The following AHCY variants were observed in gnomAD, a reference collection of about 807,000 sequenced individuals.
The protein encoded by AHCY is adenosylhomocysteinase, also known as S-adenosyl-L-homocysteine hydrolase.
Under a neutral mutation model 45.4 loss-of-function variants are expected in AHCY, and 24 were observed. The observed-to-expected ratio is 0.53, with a 90% CI of 0.38 to 0.74. AHCY has a LOEUF of 0.74. Among genes scored for constraint, AHCY ranks in the 30% least tolerant of loss-of-function variants. AHCY has a pLI of 0.00. For missense variants in AHCY, 449 were observed against 594.1 expected, an observed-to-expected ratio of 0.76 and a Z score of 2.54; for synonymous variants, 245 against 235.1, an observed-to-expected ratio of 1.04 and a Z score of -0.39.
chr20:34,269,940 C>A, the AHCY span, among the ~76,000 whole-genome samples: 2 of 77,448 alleles, frequency 2.6e-5, no homozygotes, highest in Non-Finnish European at 2.1e-5. Context: ...GCGAGAAACT[C>A]TGTCTTAAAA....
the AHCY span, chr20:34,250,045 C>A: frequency 6.6e-6 from 1 of 152,328 alleles, no homozygotes; most frequent in African/African-American, 2.4e-5. Context: ...ATGCTGGGGT[C>A]CAGCTGATAC....
At chr20:34,275,741 G>C (rs186305311), downstream of AHCY, among the ~76,000 whole-genome samples, 976 of 150,272 alleles carry the variant, frequency 6.5e-3, 5 homozygotes, top group Non-Finnish European at 0.011. Context: ...TGCAGTGTGT[G>C]ATCTCAACTC....
intron 2 of AHCY, chr20:34,295,165 T>C (rs1369996088): frequency 3.1e-6 from 2 of 641,720 alleles, no homozygotes; most frequent in African/African-American, 3.6e-5. Context: ...GGAGGATGCC[T>C]TGAGGGTAGC....
At chr20:34,291,683 G>T in intron 4 of AHCY, 152 bp from the exon 5 acceptor site, 3 of 742,892 alleles carry the variant, frequency 4.0e-6, no homozygotes, top group Non-Finnish European at 7.0e-6. Flanking sequence ...CCCGCGTGAG[G>T]GAGGAGTCCC....
chr20:34,286,748 C>T lies in AHCY; in HGVS notation c.973-1114G>A, dbSNP rs149906760. On this transcript the variant is annotated intron_variant, in intron 8 of 9. Transcript: ENST00000217426. ...CTCAGGAAGGCTGAGCCAGGCGAAT[C>T]GCTTGAACCTGGGAAGCGGAGGTTG... Among the ~76,000 whole-genome samples, 1,290 of 147,582 alleles carry T rather than the reference C, an allele frequency of 8.7e-3. 20 individuals are homozygous for T. The highest frequency in any genetic ancestry group is 0.031 in the African/African-American group (1,227 of 40,220).
chr20:34,297,902 G>A (rs891154320), intron 1 of AHCY, among the ~76,000 whole-genome samples: 1 of 152,168 alleles, frequency 6.6e-6, no homozygotes, highest in African/African-American at 2.4e-5. Flanking sequence ...ACTTTGGGAG[G>A]CCAAGGTGGG....
rs60011288 is a variant in AHCY at position 34,280,625 on chromosome 20, T to C, written c.*409A>G. On this transcript the variant is annotated 3_prime_UTR_variant, in exon 10 of 10. Transcript: ENST00000217426. ...CCCTTCAATATAGCCCCTTCTCATC[T>C]GTCATGGGCTGAAGAACCACTGGAC... The C allele has an allele frequency of 2.1e-5, 6 of 284,788 alleles. No individual in the cohort carries two copies. The highest frequency in any genetic ancestry group is 4.1e-5 in the Non-Finnish European group (6 of 145,408). The allele number at this position is 284,788 out of a possible 1,614,324, so 17.6% of individuals were successfully genotyped here. A position where few individuals can be genotyped will look rare whatever the true frequency, so the allele number is the denominator to read the frequency against.
chr20:34,289,774 G>A (rs1160806343), intron 8 of AHCY, among the ~76,000 whole-genome samples: 4 of 151,834 alleles, frequency 2.6e-5, no homozygotes, highest in African/African-American at 7.3e-5. Context: ...TACCGCACCC[G>A]GCCCAGCTAA....
chr20:34,295,709 C>T (rs1185901548), intron 1 of AHCY, 124 bp from the exon 2 acceptor site: 5 of 967,780 alleles, frequency 5.2e-6, no homozygotes, highest in Non-Finnish European at 3.2e-6. Context: ...ACTCTGTCAC[C>T]GCATTCTCTC....
chr20:34,271,593 T>G, the AHCY span, among the ~76,000 whole-genome samples: 55 of 129,468 alleles, frequency 4.2e-4, no homozygotes, highest in Non-Finnish European at 8.0e-4. Flanking sequence ...TGAGACGGAG[T>G]CTTGCTCTGT....
intron 4 of AHCY, among the ~76,000 whole-genome samples, chr20:34,291,862 C>T (rs1435060469): frequency 6.6e-6 from 1 of 152,214 alleles, no homozygotes; most frequent in Non-Finnish European, 1.5e-5. Context: ...TAACATGTAT[C>T]TTCTCAGAGA....
intron 8 of AHCY, among the ~76,000 whole-genome samples, chr20:34,288,204 G>A (rs940496507): frequency 6.6e-6 from 1 of 152,132 alleles, no homozygotes. Context: ...GAGGAGCAGT[G>A]TAGGGGATGT....
chr20:34,294,078 T>TA lies in AHCY; in HGVS notation c.295+2dup. 1 of 1,614,050 alleles carries TA rather than the reference T, an allele frequency of 6.2e-7. No individual in the cohort carries two copies. Among genetic ancestry groups the TA allele is most frequent in the East Asian group, 2.2e-5 (1 of 44,886 alleles). On this transcript the variant is annotated splice_region_variant and intron_variant, in intron 3 of 9. Coordinates refer to ENST00000217426, the MANE Select transcript of AHCY (RefSeq NM_000687.4). Reference sequence around the variant, plus strand: ...CCACGTCTCAGAAGCAAGCAGGACTTACCCGGAATGCCAGCCTTGGCAATG... The same window carrying TA: ...CCACGTCTCAGAAGCAAGCAGGACTTAACCCGGAATGCCAGCCTTGGCAATG...
At chr20:34,308,760 T>TCTCCTGCCTCAGC (rs2122851709) in intron 1 of AHCY, among the ~76,000 whole-genome samples, 1 of 151,460 alleles carries the variant, frequency 6.6e-6, no homozygotes, top group South Asian at 2.1e-4. Context: ...TTCAAGCGAT[T>TCTCCTGCCTCAGC]CTCCTGCCTC....
the AHCY span, among the ~76,000 whole-genome samples, chr20:34,274,102 G>A: frequency 2.6e-5 from 4 of 152,116 alleles, no homozygotes; most frequent in East Asian, 5.8e-4. Context: ...AGAATTCGTG[G>A]ACTCTATGGC....
At chr20:34,267,143 TAAGA>T in the AHCY span, among the ~76,000 whole-genome samples, 1 of 152,320 alleles carries the variant, frequency 6.6e-6, no homozygotes, top group East Asian at 1.9e-4. Context: ...TAGCAGTGAA[TAAGA>T]AAGATATATC....
At chr20:34,269,303 C>A in the AHCY span, 2 of 1,122,252 alleles carry the variant, frequency 1.8e-6, no homozygotes, top group Non-Finnish European at 2.4e-6. Flanking sequence ...TCAGGGAGAC[C>A]TGGCTTGGGC....
the AHCY span, among the ~76,000 whole-genome samples, chr20:34,261,676 C>T: frequency 6.6e-6 from 1 of 151,916 alleles, no homozygotes; most frequent in African/African-American, 2.4e-5. Flanking sequence ...GTGGTGCATG[C>T]CTATGGTTCC....
the AHCY span, among the ~76,000 whole-genome samples, chr20:34,236,067 A>G: frequency 6.9e-6 from 1 of 145,684 alleles, no homozygotes; most frequent in Non-Finnish European, 1.5e-5. Context: ...GGAGAGAGAG[A>G]AAGAAAGAGA....
Sources: allele counts gnomAD v4.1 joint callset (sites outside exome capture counted in the v4.1 genomes callset), GRCh38; gene constraint gnomAD v4.1.1; transcripts MANE v1.5; gene names NCBI Gene and HGNC (gene_info 2026-07-23, HGNC 2026-07-21).